Variants in BDNF observed in about 807,000 individuals in gnomAD.
BDNF encodes the protein neurotrophic factor BDNF precursor form.
Under a neutral mutation model 19.5 loss-of-function variants are expected in BDNF, and 1 was observed. The ratio of observed to expected loss-of-function variants is 0.05; its 90% CI spans 0.02 to 0.24. The LOEUF (loss-of-function observed/expected upper bound fraction) is 0.24, where lower values mean the gene tolerates loss of function less well. Among genes scored for constraint, BDNF ranks in the 10% least tolerant of loss-of-function variants. The probability of loss-of-function intolerance (pLI) is 1.00; values close to 1 mark genes in which losing one functional copy is unlikely to be tolerated. For synonymous variants in BDNF, 100 were observed against 121.6 expected (o/e 0.82, Z 1.17); for missense variants, 195 against 317.6 (o/e 0.61, Z 2.93).
chr11:27,701,555 G>A (rs1859895935), upstream of BDNF: 1 of 987,318 alleles, frequency 1.0e-6, no homozygotes, highest in Non-Finnish European at 1.2e-6. Context: ...TCTCGGCAGA[G>A]GCAGGGAGAT....
In BDNF at chr11:27,656,302, G is replaced by T; in HGVS notation, c.*1519C>A. ...ACATTTGGCTCCCAACCTGCTCCAG[G>T]CTAATCCAATTTTATGCAAAATTAT... On this transcript the variant is annotated 3_prime_UTR_variant, in exon 2 of 2. Transcript: ENST00000356660. The T allele has an allele frequency of 6.4e-6, 1 of 155,940 alleles. No homozygotes were observed. The highest frequency in any genetic ancestry group is 1.4e-5 in the Non-Finnish European group (1 of 71,316). 9.7% of individuals were successfully genotyped at this position (155,940 alleles called of 1,614,324 possible).
intron 1 of BDNF, chr11:27,696,337 A>G (rs1441408547): frequency 6.6e-6 from 1 of 152,240 alleles, no homozygotes; most frequent in Non-Finnish European, 1.5e-5. Flanking sequence ...TTTATTGCCT[A>G]ACATTACTCC....
intron 1 of BDNF, chr11:27,675,665 T>A (rs1427770958): frequency 3.9e-5 from 6 of 152,070 alleles, no homozygotes; most frequent in Admixed American, 2.6e-4. Context: ...TCTTCGGGAA[T>A]GTGGCTAAGG....
intron 1 of BDNF, chr11:27,677,419 A>G (rs1856279174): frequency 6.6e-6 from 1 of 152,164 alleles, no homozygotes; most frequent in African/African-American, 2.4e-5. Context: ...GGTGTAAAAT[A>G]GTGTATATAT....
intron 1 of BDNF, among the ~76,000 whole-genome samples, chr11:27,712,927 CTTTTT>C (rs112937534): frequency 4.3e-5 from 5 of 117,270 alleles, no homozygotes; most frequent in South Asian, 3.2e-4. Flanking sequence ...TTCTTTCTTT[CTTTTT>C]TTTTTTTTTT....
chr11:27,692,505 A>G (rs1180144656), intron 1 of BDNF, among the ~76,000 whole-genome samples: 4 of 151,888 alleles, frequency 2.6e-5, no homozygotes, highest in Non-Finnish European at 1.5e-5. Context: ...CCAGGCTTGG[A>G]TAATTTTTTT....
At chr11:27,721,660 A>AT (rs1446492306) in exon 1 of BDNF, 1 of 589,370 alleles carries the variant, frequency 1.7e-6, no homozygotes, top group African/African-American at 1.9e-5. Flanking sequence ...AAACCTATAG[A>AT]TTTACGCAAA....
At chr11:27,713,898 T>A (rs139212702) in intron 1 of BDNF, among the ~76,000 whole-genome samples, 87 of 152,372 alleles carry the variant, frequency 5.7e-4, no homozygotes, top group Non-Finnish European at 1.2e-3. Context: ...AGAGGTTGCA[T>A]GTTACTAAAC....
rs534824375 is a variant in BDNF, at chr11:27,657,685, G to A, written c.*136C>T. 1 of 1,481,934 alleles carries A rather than the reference G, an allele frequency of 6.7e-7. No homozygotes were observed. Among genetic ancestry groups the A allele is most frequent in the East Asian group, 2.5e-5 (1 of 40,518 alleles). 91.8% of individuals were successfully genotyped at this position (1,481,934 alleles called of 1,614,324 possible). On this transcript the variant is annotated 3_prime_UTR_variant, in exon 2 of 2. Transcript: ENST00000356660. This position sits in a 1 kb window ranked among gnomAD's most constrained non-coding sequence, Gnocchi z 5.0. ...CCAATAAATAGATTGTAGAACCACT[G>A]TACTGTATAAACTTCATTTATACAT... is the stretch of plus-strand genomic sequence containing the variant.
At chr11:27,667,401 A>T (rs1286643822) in intron 1 of BDNF, among the ~76,000 whole-genome samples, 2 of 152,262 alleles carry the variant, frequency 1.3e-5, no homozygotes, top group African/African-American at 4.8e-5. Context: ...TGACAGGATC[A>T]AATTCACACA....
intron 1 of BDNF, chr11:27,674,556 A>T (rs891986141): frequency 2.0e-6 from 2 of 985,184 alleles, no homozygotes; most frequent in African/African-American, 3.5e-5. Flanking sequence ...CAGAACTACT[A>T]TAAAATATAA....
exon 1 of BDNF, chr11:27,721,620 G>C: frequency 1.6e-6 from 1 of 630,586 alleles, no homozygotes; most frequent in Non-Finnish European, 2.8e-6. Context: ...GGCGACTACA[G>C]AAGACAAAGC....
At chr11:27,721,159 G>C (rs1404280462) in intron 1 of BDNF, among the ~76,000 whole-genome samples, 1 of 152,042 alleles carries the variant, frequency 6.6e-6, no homozygotes, top group Non-Finnish European at 1.5e-5. Flanking sequence ...TGAGAGACAA[G>C]CATCAGCCTT....
intron 1 of BDNF, chr11:27,719,389 C>T: frequency 1.1e-6 from 1 of 892,988 alleles, no homozygotes; most frequent in Non-Finnish European, 1.3e-6. Flanking sequence ...TGTTCTTCTC[C>T]ACCGCCTCCA....
intron 1 of BDNF, chr11:27,675,071 C>T: frequency 3.7e-6 from 1 of 267,166 alleles, no homozygotes; most frequent in Non-Finnish European, 5.8e-6. Context: ...TGAACCAGTG[C>T]TGGCTTGCTA....
At position 27,699,272 on chromosome 11, in the gene BDNF, G is replaced by A. The variant is rs147457578; in HGVS notation, c.-22+892C>T. On this transcript the variant is annotated intron_variant, in intron 1 of 1. Transcript: ENST00000356660. Reference sequence around the variant, plus strand: ...TCCTCCAGTTCACCCTCGCAGCCCCGAGGCTTCTTCCTTAGGGATGCCCCT... The same window carrying A: ...TCCTCCAGTTCACCCTCGCAGCCCCAAGGCTTCTTCCTTAGGGATGCCCCT... The A allele has an allele frequency of 5.4e-3, 6,939 of 1,290,372 alleles. 22 individuals carry two copies. Among genetic ancestry groups the A allele is most frequent in the Middle Eastern group, 6.8e-3 (33 of 4,874 alleles). 79.9% of individuals were successfully genotyped at this position (1,290,372 alleles called of 1,614,324 possible). A position where few individuals can be genotyped will look rare whatever the true frequency, so the allele number is the denominator to read the frequency against.
Position 27,683,325 on chromosome 11 carries a change from C to T in BDNF, c.-22+16839G>A, listed in dbSNP as rs544656182. On this transcript the variant is annotated intron_variant, in intron 1 of 1. Transcript: ENST00000356660. ...ATATTAGCCTTTTGTCAGATGGATA[C>T]GTTGCAAAAAATTTCACCCATTCTG... Among the ~76,000 whole-genome samples, 4 of 151,920 alleles carry T rather than the reference C, an allele frequency of 2.6e-5. No individual in the cohort carries two copies. The South Asian group carries it at 8.4e-4, about 32-fold the overall frequency.
intron 1 of BDNF, among the ~76,000 whole-genome samples, chr11:27,660,512 GAATGA>G (rs1853295457): frequency 6.6e-6 from 1 of 152,068 alleles, no homozygotes; most frequent in Non-Finnish European, 1.5e-5. Flanking sequence ...CTTACACACT[GAATGA>G]AAAAGCTTTC....
At chr11:27,659,317 T>C (rs1853017254) in intron 1 of BDNF, 1 of 1,000,014 alleles carries the variant, frequency 1.0e-6, no homozygotes, top group Admixed American at 6.1e-5. Context: ...CACTGTTCTT[T>C]ATTCTACACC....
Sources: gnomAD v4.1 joint callset for allele counts (sites outside exome capture counted in the v4.1 genomes callset) on GRCh38, gnomAD v4.1.1 for gene constraint, Gnocchi (gnomAD v3.1) non-coding constraint, MANE v1.5 for transcripts, NCBI Gene and HGNC (gene_info 2026-07-23, HGNC 2026-07-21) for gene names.